Variants in CHD1L observed in about 807,000 individuals in gnomAD.
CHD1L encodes the protein ATP-dependent chromatin remodeler CHD1L.
In CHD1L, 118 loss-of-function variants were observed where a neutral mutation model predicts 115.9. That is an observed-to-expected ratio of 1.02 (90% confidence interval 0.88 to 1.19). The LOEUF (loss-of-function observed/expected upper bound fraction) is 1.19, where lower values mean the gene tolerates loss of function less well. Among genes scored for constraint, CHD1L ranks in the 50% most tolerant of loss-of-function variants. The pLI is 0.00. For missense variants in CHD1L, 1,179 were observed against 1,065.3 expected (o/e 1.11, Z -1.49); for synonymous variants, 411 against 387.1 (o/e 1.06, Z -0.72).
At position 147,272,282 on chromosome 1, in the gene CHD1L, G is replaced by C; in HGVS notation, c.1270+1G>C. 1.2e-6 allele frequency: 2 copies of C among 1,604,728 alleles called. No homozygotes were observed. Among genetic ancestry groups the C allele is most frequent in the Non-Finnish European group, 1.7e-6 (2 of 1,171,400 alleles). On this transcript the variant is annotated splice_donor_variant, in intron 12 of 22. Coordinates refer to ENST00000369258, the MANE Select transcript of CHD1L (RefSeq NM_004284.6). LOFTEE classifies it high-confidence loss of function. ...GTTTTTCTCCTGAGTACTAGGGCAGGTAGGCTGCAAAGGCATTGATGGAAA... is the reference window on the plus strand; with the variant it reads ...GTTTTTCTCCTGAGTACTAGGGCAGCTAGGCTGCAAAGGCATTGATGGAAA...
chr1:147,190,672 A>G, the CHD1L span, among the ~76,000 whole-genome samples: 1 of 151,720 alleles, frequency 6.6e-6, no homozygotes, highest in African/African-American at 2.4e-5. Context: ...AGAATGAAGT[A>G]AAAATAAATT....
intron 6 of CHD1L, among the ~76,000 whole-genome samples, chr1:147,261,917 C>T (rs782566868): frequency 6.6e-6 from 1 of 152,060 alleles, no homozygotes; most frequent in African/African-American, 2.4e-5. Flanking sequence ...CGCAACCAGC[C>T]GGGCGCAGTG....
At chr1:147,277,547 T>G (rs1320118086) in intron 14 of CHD1L, among the ~76,000 whole-genome samples, 1 of 152,166 alleles carries the variant, frequency 6.6e-6, no homozygotes, top group Non-Finnish European at 1.5e-5. Flanking sequence ...ACACTGGGTT[T>G]GTTCTTTGTT....
At chr1:147,229,155 A>G in the CHD1L span, among the ~76,000 whole-genome samples, 1 of 152,176 alleles carries the variant, frequency 6.6e-6, no homozygotes, top group Non-Finnish European at 1.5e-5. Flanking sequence ...CTAACATGTA[A>G]GTCTTTAATC....
At chr1:147,195,701 G>A in the CHD1L span, among the ~76,000 whole-genome samples, 3 of 152,066 alleles carry the variant, frequency 2.0e-5, no homozygotes, top group Non-Finnish European at 4.4e-5. Flanking sequence ...CTATAACTAG[G>A]GACTATGCCA....
At chr1:147,292,379 T>C (rs1553971329) in intron 20 of CHD1L, among the ~76,000 whole-genome samples, 2 of 152,180 alleles carry the variant, frequency 1.3e-5, no homozygotes, top group African/African-American at 4.8e-5. Flanking sequence ...ATGCCTGTAG[T>C]GAGTTTGATT....
chr1:147,219,840 CTTTTT>C, the CHD1L span, among the ~76,000 whole-genome samples: 1 of 132,896 alleles, frequency 7.5e-6, no homozygotes, highest in African/African-American at 2.8e-5. Context: ...ATGTTAATTG[CTTTTT>C]TTTTTTTTTT....
chr1:147,224,152 G>GGC, the CHD1L span: 1 of 302,822 alleles, frequency 3.3e-6, no homozygotes, highest in South Asian at 2.9e-5. Flanking sequence ...AGACCTGCAC[G>GGC]ACGTTGCCTT....
the CHD1L span, chr1:147,186,822 A>C: frequency 3.3e-6 from 5 of 1,520,792 alleles, no homozygotes; most frequent in Non-Finnish European, 4.4e-6. Context: ...TATGAAACTG[A>C]GAGTCAATCT....
the CHD1L span, chr1:147,213,261 G>C: frequency 6.6e-7 from 1 of 1,503,808 alleles, no homozygotes; most frequent in Non-Finnish European, 9.0e-7. Context: ...TCAGGGGTCA[G>C]GTCACAGGCA....
chr1:147,227,817 TAC>T, the CHD1L span, among the ~76,000 whole-genome samples: 7 of 152,338 alleles, frequency 4.6e-5, no homozygotes, highest in African/African-American at 1.4e-4. Context: ...TTTCAAACAA[TAC>T]AGTCTCACCT....
the CHD1L span, chr1:147,201,151 C>G: frequency 1.2e-6 from 2 of 1,604,400 alleles, no homozygotes; most frequent in Non-Finnish European, 1.7e-6. Flanking sequence ...TGGTCACTTA[C>G]CTTTAAATAC....
chr1:147,237,319 A>G, the CHD1L span, among the ~76,000 whole-genome samples: 1 of 151,792 alleles, frequency 6.6e-6, no homozygotes, highest in East Asian at 1.9e-4. Flanking sequence ...CTGTGGTTTG[A>G]GCAGCTATAG....
At chr1:147,222,001 T>C in the CHD1L span, among the ~76,000 whole-genome samples, 558 of 152,318 alleles carry the variant, frequency 3.7e-3, no homozygotes, top group Non-Finnish European at 5.6e-3. Flanking sequence ...ATAAATCTTC[T>C]CTCTACAAAC....
At chr1:147,280,257 G>A in intron 15 of CHD1L, 66 bp downstream of exon 15, 1 of 1,472,754 alleles carries the variant, frequency 6.8e-7, no homozygotes, top group South Asian at 1.5e-5. Context: ...CGTCCCCATG[G>A]AAAGTTTTGG....
the CHD1L span, chr1:147,204,278 G>A: frequency 8.9e-6 from 9 of 1,006,952 alleles, no homozygotes; most frequent in African/African-American, 1.3e-4. Flanking sequence ...ACCATGCCAT[G>A]CAATACTGAA....
chr1:147,178,153 C>G, the CHD1L span: 1 of 1,608,598 alleles, frequency 6.2e-7, no homozygotes. Context: ...GGGCGTGGCG[C>G]TGCTTCTCGC....
At chr1:147,243,687 T>C (rs1406073963) in intron 1 of CHD1L, among the ~76,000 whole-genome samples, 1 of 152,200 alleles carries the variant, frequency 6.6e-6, no homozygotes, top group Non-Finnish European at 1.5e-5. Flanking sequence ...GACAGAATCA[T>C]GCATCAGTAA....
At chr1:147,177,441 C>A in the CHD1L span, among the ~76,000 whole-genome samples, 1 of 152,088 alleles carries the variant, frequency 6.6e-6, no homozygotes, top group African/African-American at 2.4e-5. Flanking sequence ...GTACTCTACC[C>A]TCGAGAAGAT....
Sources: allele counts gnomAD v4.1 joint callset (sites outside exome capture counted in the v4.1 genomes callset), GRCh38; gene constraint gnomAD v4.1.1; transcripts MANE v1.5; gene names NCBI Gene and HGNC (gene_info 2026-07-23, HGNC 2026-07-21).